FRS3: variants seen among roughly 807,000 people sequenced by gnomAD.
The protein encoded by FRS3 is FGFR substrate 3.
FRS3 carries 17 observed loss-of-function variants against 41.9 expected under a neutral mutation model. The observed-to-expected ratio is 0.41, with a 90% CI of 0.28 to 0.61. The LOEUF (loss-of-function observed/expected upper bound fraction) is 0.61, where lower values mean the gene tolerates loss of function less well. Ranked by LOEUF, FRS3 falls within the 20% of genes least tolerant of loss-of-function variation. The probability of loss-of-function intolerance (pLI) is 0.36; values close to 1 mark genes in which losing one functional copy is unlikely to be tolerated. For missense variants in FRS3, 619 were observed against 672.1 expected (o/e 0.92, Z 0.87); for synonymous variants, 287 against 274.5 (o/e 1.05, Z -0.45).
At position 41,778,095 on chromosome 6, in the gene FRS3, C is replaced by G. The variant is rs897010203; in HGVS notation, c.-86G>C. The G allele has an allele frequency of 6.5e-6, 1 of 152,710 alleles. No individual in the cohort carries two copies. Among genetic ancestry groups the G allele is most frequent in the African/African-American group, 2.4e-5 (1 of 41,444 alleles). 9.5% of individuals were successfully genotyped at this position (152,710 alleles called of 1,614,324 possible). ...CATGGGGAAGGGTTCCCACTTTATT[C>G]CCCCCGTCCTTGGTGGGCTGTCATG... On this transcript the variant is annotated 5_prime_UTR_variant, in exon 2 of 7. Transcript: ENST00000373018.
intron 5 of FRS3, 152 bp from the exon 6 acceptor site, chr6:41,772,116 C>T (rs1772312073): frequency 3.2e-6 from 2 of 616,892 alleles, no homozygotes; most frequent in South Asian, 2.1e-5. Context: ...CCACCAGCCC[C>T]CCATTATCCT....
intron 4 of FRS3, among the ~76,000 whole-genome samples, chr6:41,773,807 G>A (rs140698554): frequency 0.013 from 2,027 of 151,912 alleles, 21 homozygotes; most frequent in South Asian, 0.061. Context: ...CGGAGGTGGA[G>A]GGTGCAGTGA....
intron 3 of FRS3, 54 bp downstream of exon 3, chr6:41,776,868 T>C (rs932832234): frequency 7.1e-7 from 1 of 1,400,292 alleles, no homozygotes; most frequent in East Asian, 2.3e-5. Context: ...TTAAATTGTG[T>C]CTGAGCCCAA....
In FRS3 at chr6:41,778,501, C is replaced by T. The variant is rs1300657363; in HGVS notation, c.-167-325G>A. ...ACCTTACCTTTGCAGAGAACTTTAA[C>T]TCTACAAAGAGCTTTCTCAAAAGGA... On this transcript the variant is annotated intron_variant, in intron 1 of 6. Transcript: ENST00000373018. 2.0e-5 allele frequency among the ~76,000 whole-genome samples: 3 copies of T among 152,224 alleles called. No individual in the cohort carries two copies. In the East Asian group the frequency reaches 5.8e-4, roughly 29 times the overall value.
chr6:41,771,327 C>T lies in FRS3; in HGVS notation c.771G>A (p.Gln257=). The T allele has an allele frequency of 6.2e-7, 1 of 1,613,692 alleles. No homozygotes were observed. The highest frequency in any genetic ancestry group is 1.1e-5 in the South Asian group (1 of 90,996). The change falls in exon 7 of 7, where the codon CAG becomes CAA. Residue 257 remains glutamine, a synonymous_variant. Transcript: ENST00000373018. ...TPARRHMVKC[Q]GLCPSLHDPP... ...GGTCATGCAGGCTGGGACAGAGGCC[C>T]TGGCACTTCACCATGTGCCGCCGAG...
rs760799697 is a variant in FRS3 at position 41,771,532 on chromosome 6, G to C, written c.566C>G (p.Ser189Cys). ...THALIAPDEQ[S>C]HTYVNTPASE... is the part of the protein sequence containing the mutation. ...GGCCGGTGTGTTGACATAGGTGTGG[G>C]ACTGGGGAAAGAGTCCAAGTGAGGC... The change falls in exon 7 of 7, where the codon TCC becomes TGC. Residue 189 changes from serine (S) to cysteine (C), a missense_variant and splice_region_variant. This residue lies in a region of FRS3 where 487 missense variants were observed against 478.3 expected (regional missense o/e 1.02). Transcript: ENST00000373018. 8 of 1,527,420 alleles carry C rather than the reference G, an allele frequency of 5.2e-6. No homozygotes were observed. The highest frequency in any genetic ancestry group is 7.0e-6 in the Non-Finnish European group (8 of 1,141,402). 94.6% of individuals were successfully genotyped at this position (1,527,420 alleles called of 1,614,324 possible).
intron 3 of FRS3, chr6:41,776,360 C>A (rs1298087292): frequency 6.5e-6 from 1 of 152,748 alleles, no homozygotes; most frequent in East Asian, 1.9e-4. Flanking sequence ...CTCCCGGGTT[C>A]AAGTGATTCT....
At chr6:41,779,204 A>G (rs1412784232) in intron 1 of FRS3, among the ~76,000 whole-genome samples, 1 of 152,028 alleles carries the variant, frequency 6.6e-6, no homozygotes. Context: ...TCTCCTTAAG[A>G]TATCAGGATG....
Position 41,771,536 on chromosome 6 carries a change from G to A in FRS3, c.565-3C>T, listed in dbSNP as rs777044783. 3.9e-6 allele frequency: 6 copies of A among 1,522,754 alleles called. No homozygotes were observed. The highest frequency in any genetic ancestry group is 2.3e-5 in the East Asian group (1 of 44,118). The allele number at this position is 1,522,754 out of a possible 1,614,324, so 94.3% of individuals were successfully genotyped here. ...GGTGTGTTGACATAGGTGTGGGACTGGGGAAAGAGTCCAAGTGAGGCAGGA... is the reference window on the plus strand; with the variant it reads ...GGTGTGTTGACATAGGTGTGGGACTAGGGAAAGAGTCCAAGTGAGGCAGGA... On this transcript the variant is annotated splice_polypyrimidine_tract_variant and splice_region_variant and intron_variant, in intron 6 of 6. Coordinates refer to ENST00000373018, the MANE Select transcript of FRS3 (RefSeq NM_006653.5).
In FRS3 at chr6:41,770,749, C is replaced by T. The variant is rs769449384; in HGVS notation, c.1349G>A (p.Arg450Gln). Reference sequence around the variant, plus strand: ...AATCACGGCGTAGGAGTCTGAGCTTCGGGCAGGGTGGGTGGTGGGCATGGG... The same window carrying T: ...AATCACGGCGTAGGAGTCTGAGCTTTGGGCAGGGTGGGTGGTGGGCATGGG... ...QAPMPTTHPA[R>Q]SSDSYAVIDL... The change falls in exon 7 of 7, where the codon CGA becomes CAA. Residue 450 changes from arginine to glutamine, a missense_variant. This residue lies in a region of FRS3 where 487 missense variants were observed against 478.3 expected (regional missense o/e 1.02). Coordinates refer to ENST00000373018, the MANE Select transcript of FRS3 (RefSeq NM_006653.5). 8 of 1,600,620 alleles carry T rather than the reference C, an allele frequency of 5.0e-6. No homozygotes were observed. Among genetic ancestry groups the T allele is most frequent in the East Asian group, 2.2e-5 (1 of 44,594 alleles).
Position 41,775,607 on chromosome 6 carries a change from T to G in FRS3, c.67-2A>C. On this transcript the variant is annotated splice_acceptor_variant, in intron 3 of 6. Transcript: ENST00000373018. LOFTEE classifies it high-confidence loss of function. ...CCCCTCATCATCCACATTTGTCACC[T>G]GGAGGGGAGAAGACAGAAGGGTCAA... 6.2e-7 allele frequency: 1 copy of G among 1,612,658 alleles called. No homozygotes were observed. The highest frequency in any genetic ancestry group is 8.5e-7 in the Non-Finnish European group (1 of 1,178,888).
chr6:41,772,393 C>T (rs1772317826), intron 5 of FRS3, among the ~76,000 whole-genome samples: 3 of 152,284 alleles, frequency 2.0e-5, no homozygotes, highest in African/African-American at 7.2e-5. Flanking sequence ...AATTCAATGA[C>T]TGAATAAGCA....
chr6:41,771,621 C>T, intron 6 of FRS3, 88 bp from the exon 7 acceptor site: 2 of 1,257,490 alleles, frequency 1.6e-6, no homozygotes, highest in Non-Finnish European at 2.2e-6. Context: ...AAGAAGCACA[C>T]AGAAAAAGAC....
rs762698540 is a variant in FRS3 at position 41,771,119 on chromosome 6, G to A, written c.979C>T (p.Pro327Ser). ...TGGCTTTCCCACACAGGGGGCAGTG[G>A]GGGCAGGTTCTCATAGTGCAGCAGG... Reference protein sequence around the residue: ...AALLHYENLPPLPPVWESQAQ... With the variant: ...AALLHYENLPSLPPVWESQAQ... The change falls in exon 7 of 7, where the codon CCA (proline) becomes TCA (serine). Residue 327 changes from proline (P) to serine (S), a missense_variant. Coordinates refer to ENST00000373018, the MANE Select transcript of FRS3 (RefSeq NM_006653.5). 6.3e-7 allele frequency: 1 copy of A among 1,579,890 alleles called. No individual in the cohort carries two copies. The highest frequency in any genetic ancestry group is 8.6e-7 in the Non-Finnish European group (1 of 1,161,068).
chr6:41,773,713 A>C, intron 4 of FRS3, among the ~76,000 whole-genome samples: 1 of 151,366 alleles, frequency 6.6e-6, no homozygotes, highest in East Asian at 2.1e-4. Context: ...TCTACTAAAA[A>C]TACAAAAAAT....
At chr6:41,777,766 A>C (rs1772440599) in intron 2 of FRS3, 1 of 152,176 alleles carries the variant, frequency 6.6e-6, no homozygotes, top group South Asian at 2.1e-4. Flanking sequence ...TACTTGGATT[A>C]TATGTCACAA....
At chr6:41,777,244 G>C (rs1156957336) in intron 2 of FRS3, among the ~76,000 whole-genome samples, 1 of 152,238 alleles carries the variant, frequency 6.6e-6, no homozygotes, top group African/African-American at 2.4e-5. Context: ...GGGCTGGAGA[G>C]AGCTTCTCAG....
At chr6:41,777,913 T>C (rs767686148) in intron 2 of FRS3, 120 bp downstream of exon 2, 1 of 152,626 alleles carries the variant, frequency 6.6e-6, no homozygotes, top group African/African-American at 2.4e-5. Context: ...TCTGTAGGAT[T>C]GGCTATCCTT....
intron 4 of FRS3, among the ~76,000 whole-genome samples, chr6:41,774,304 C>T (rs1362562820): frequency 6.6e-6 from 1 of 152,094 alleles, no homozygotes; most frequent in Non-Finnish European, 1.5e-5. Flanking sequence ...GCCTAACACC[C>T]CCTGCTTCCT....
Sources: allele counts gnomAD v4.1 joint callset (sites outside exome capture counted in the v4.1 genomes callset), GRCh38; gene constraint gnomAD v4.1.1; regional missense constraint gnomAD v4.1.1; transcripts MANE v1.5; gene names NCBI Gene and HGNC (gene_info 2026-07-23, HGNC 2026-07-21).